Variants in IRGQ observed in about 807,000 individuals in gnomAD.
IRGQ encodes the protein immunity related GTPase Q.
In IRGQ, 5 loss-of-function variants were observed where a neutral mutation model predicts 10.5. The ratio of observed to expected loss-of-function variants is 0.48; its 90% CI spans 0.25 to 1.00. The LOEUF (loss-of-function observed/expected upper bound fraction) is 1.00. Ranked by LOEUF, IRGQ falls within the 50% of genes least tolerant of loss-of-function variation. The pLI is 0.16. For missense variants in IRGQ, 792 were observed against 877.7 expected (o/e 0.90, Z 1.23); for synonymous variants, 418 against 426.0 (o/e 0.98, Z 0.23).
intron 2 of IRGQ, 53 bp downstream of exon 2, chr19:43,594,756 C>G: frequency 6.6e-7 from 1 of 1,518,936 alleles, no homozygotes; most frequent in Non-Finnish European, 8.9e-7. Context: ...CATGGTCGCA[C>G]CTAGGTGCCT....
chr19:43,592,145 C>T lies in IRGQ; in HGVS notation c.1753G>A (p.Gly585Ser). 6.2e-7 allele frequency: 1 copy of T among 1,610,144 alleles called. No individual in the cohort carries two copies. Residue 585 changes from glycine to serine, a missense_variant, in exon 3 of 3, where the codon GGT (glycine) becomes AGT (serine). By Grantham distance (56) the Gly-to-Ser change is moderately conservative. Transcript: ENST00000422989. ...GALSFLWPAG[G>S]AAATGGLGYR... ...CCCAGGCCACCTGTCGCCGCTGCAC[C>T]ACCCGCAGGCCACAGGAAGGAGAGA...
At position 43,587,565 on chromosome 19, in the gene IRGQ, A is replaced by G. The variant is rs1275085887; in HGVS notation, c.*4461T>C. The G allele has an allele frequency of 6.6e-6, 1 of 152,192 alleles. No individual in the cohort carries two copies. The highest frequency in any genetic ancestry group is 1.5e-5 in the Non-Finnish European group (1 of 68,036). 9.4% of individuals were successfully genotyped at this position (152,192 alleles called of 1,614,324 possible). ...ATTTGGTGTAAGTGTAAAATATATA[A>G]CAGATTTTGAAGACAGCACAAAAGA... On this transcript the variant is annotated 3_prime_UTR_variant, in exon 3 of 3. Transcript: ENST00000422989.
rs1251009630 is a variant in IRGQ, at chr19:43,593,726, G to A, written c.531-359C>T. ...GGTGGGACAAAGCTCACAGAGGGTG[G>A]GGCCTAGAACAAAGAATCGCAACTG... On this transcript the variant is annotated intron_variant, in intron 2 of 2. Coordinates refer to ENST00000422989, the MANE Select transcript of IRGQ (RefSeq NM_001007561.3). This position sits in a 1 kb window ranked among gnomAD's most constrained non-coding sequence, Gnocchi z 6.4. 6.6e-6 allele frequency among the ~76,000 whole-genome samples: 1 copy of A among 152,144 alleles called. No individual in the cohort carries two copies. The highest frequency in any genetic ancestry group is 1.5e-5 in the Non-Finnish European group (1 of 68,028).
At position 43,586,425 on chromosome 19, in the gene IRGQ, T is replaced by C. The variant is rs1972994891; in HGVS notation, c.*5601A>G. ...TATACAACTGTGTAAACACAACCAA[T>C]CTACAACTATATCAACACAACCAGC... is the stretch of plus-strand genomic sequence containing the variant. On this transcript the variant is annotated 3_prime_UTR_variant, in exon 3 of 3. Coordinates refer to ENST00000422989, the MANE Select transcript of IRGQ (RefSeq NM_001007561.3). 1 of 152,092 alleles carries C rather than the reference T, an allele frequency of 6.6e-6. No individual in the cohort carries two copies. The highest frequency in any genetic ancestry group is 1.5e-5 in the Non-Finnish European group (1 of 68,022). 9.4% of individuals were successfully genotyped at this position (152,092 alleles called of 1,614,324 possible).
rs1260993522 is a variant in IRGQ, at chr19:43,587,222, C to T, written c.*4804G>A. ...GCATACACCTGTAGTCCCAGCTACT[C>T]AGGAGGATGATGCAAGAGAATCAGT... On this transcript the variant is annotated 3_prime_UTR_variant, in exon 3 of 3. Coordinates refer to ENST00000422989, the MANE Select transcript of IRGQ (RefSeq NM_001007561.3). The T allele has an allele frequency of 6.6e-6, 1 of 152,102 alleles. No individual in the cohort carries two copies. The highest frequency in any genetic ancestry group is 6.6e-5 in the Admixed American group (1 of 15,254). The allele number at this position is 152,102 out of a possible 1,614,324, so 9.4% of individuals were successfully genotyped here.
In IRGQ at chr19:43,592,132, G is replaced by A. The variant is rs1391351187; in HGVS notation, c.1766C>T (p.Thr589Ile). ...AGCCGCTCGGTAGCCCAGGCCACCT[G>A]TCGCCGCTGCACCACCCGCAGGCCA... ...FLWPAGGAAA[T>I]GGLGYRAAHG... The change falls in exon 3 of 3, where the codon ACA becomes ATA. Residue 589 changes from threonine to isoleucine, a missense_variant. Transcript: ENST00000422989. 33 of 1,611,172 alleles carry A rather than the reference G, an allele frequency of 2.0e-5. 1 individual carries two copies. In the Admixed American group the frequency reaches 5.5e-4, roughly 27 times the overall value.
At position 43,593,106 on chromosome 19, in the gene IRGQ, G is replaced by C. The variant is rs1237114541; in HGVS notation, c.792C>G (p.Phe264Leu). 1 of 1,581,922 alleles carries C rather than the reference G, an allele frequency of 6.3e-7. No homozygotes were observed. Among genetic ancestry groups the C allele is most frequent in the Non-Finnish European group, 8.6e-7 (1 of 1,159,702 alleles). ...CCACATTCGGGCGCTCTGGGGCTGG[G>C]AAGGGAGTGGGTGCTGTGGGGACCG... ...PASVPTAPTP[F>L]PAPERPNVVL... The change falls in exon 3 of 3, where the codon TTC becomes TTG. Residue 264 changes from phenylalanine to leucine, a missense_variant. Coordinates refer to ENST00000422989, the MANE Select transcript of IRGQ (RefSeq NM_001007561.3). The surrounding 1 kb of genome is among the most constrained non-coding windows in gnomAD (Gnocchi z 6.4).
rs934919219 is a variant in IRGQ, at chr19:43,596,052, C to T, written c.-73G>A. 2.0e-5 allele frequency: 3 copies of T among 152,186 alleles called. No homozygotes were observed. Among genetic ancestry groups the T allele is most frequent in the East Asian group, 1.9e-4 (1 of 5,182 alleles). 9.4% of individuals were successfully genotyped at this position (152,186 alleles called of 1,614,324 possible). On this transcript the variant is annotated 5_prime_UTR_variant, in exon 1 of 3. Coordinates refer to ENST00000422989, the MANE Select transcript of IRGQ (RefSeq NM_001007561.3). ...AGGTCAGCAGCTGAGAAGCCCGGCC[C>T]CTGGGCCGCGGCGGACGGAGGCCGA... is the stretch of plus-strand genomic sequence containing the variant.
chr19:43,592,309 C>G lies in IRGQ; in HGVS notation c.1589G>C (p.Arg530Pro). 6.4e-7 allele frequency: 1 copy of G among 1,565,150 alleles called. No homozygotes were observed. The highest frequency in any genetic ancestry group is 8.6e-7 in the Non-Finnish European group (1 of 1,164,272). ...LGLEPTALAR[R>P]ERALGLASGE... The stretch of plus-strand genomic sequence containing the variant: ...AGAAGCCAGGCCCAGGGCACGCTCA[C>G]GTCGAGCCAGTGCCGTGGGTTCCAG... Residue 530 changes from arginine to proline, a missense_variant, in exon 3 of 3, where the codon CGT (arginine) becomes CCT (proline). Physicochemically the swap from Arg to Pro is moderately radical, Grantham distance 103. Transcript: ENST00000422989.
Position 43,593,031 on chromosome 19 carries a change from G to A in IRGQ, c.867C>T (p.Ala289=), listed in dbSNP as rs747332385. The part of the protein sequence containing the change: ...LGHTGTATTA[A]AASHPTHYDA... Reference sequence around the variant, plus strand: ...CGTAGTGCGTTGGGTGAGAGGCGGCGGCCGCGGTGGTGGCAGTGCCCGTGT... The same window carrying A: ...CGTAGTGCGTTGGGTGAGAGGCGGCAGCCGCGGTGGTGGCAGTGCCCGTGT... The change falls in exon 3 of 3, where the codon GCC becomes GCT. Residue 289 remains alanine, a synonymous_variant. Coordinates refer to ENST00000422989, the MANE Select transcript of IRGQ (RefSeq NM_001007561.3). This position sits in a 1 kb window ranked among gnomAD's most constrained non-coding sequence, Gnocchi z 6.4. The A allele has an allele frequency of 4.0e-5, 64 of 1,605,628 alleles. No individual in the cohort carries two copies. Among genetic ancestry groups the A allele is most frequent in the Non-Finnish European group, 4.8e-5 (57 of 1,175,916 alleles).
rs989269261 is a variant in IRGQ, at chr19:43,593,744, C to T, written c.531-377G>A. Among the ~76,000 whole-genome samples, 1 of 152,110 alleles carries T rather than the reference C, an allele frequency of 6.6e-6. No homozygotes were observed. Among genetic ancestry groups the T allele is most frequent in the Non-Finnish European group, 1.5e-5 (1 of 68,038 alleles). On this transcript the variant is annotated intron_variant, in intron 2 of 2. Coordinates refer to ENST00000422989, the MANE Select transcript of IRGQ (RefSeq NM_001007561.3). The surrounding 1 kb of genome is among the most constrained non-coding windows in gnomAD (Gnocchi z 6.4). ...GAGGGTGGGGCCTAGAACAAAGAAT[C>T]GCAACTGTATTGTGGCCTAAACACA...
rs1430787052 is a variant in IRGQ, at chr19:43,588,814, A to G, written c.*3212T>C. On this transcript the variant is annotated 3_prime_UTR_variant, in exon 3 of 3. Transcript: ENST00000422989. The stretch of plus-strand genomic sequence containing the variant: ...CCTCCCATTCCATCACGTGGCTGAC[A>G]TGCCTGATTGCAGGGCTTAGACACT... 6.6e-6 allele frequency: 1 copy of G among 152,274 alleles called. No individual in the cohort carries two copies. The allele number at this position is 152,274 out of a possible 1,614,324, so 9.4% of individuals were successfully genotyped here. A position where few individuals can be genotyped will look rare whatever the true frequency, so the allele number is the denominator to read the frequency against.
Position 43,592,362 on chromosome 19 carries a change from C to G in IRGQ, c.1536G>C (p.Gln512His). The G allele has an allele frequency of 6.3e-7, 1 of 1,576,694 alleles. No individual in the cohort carries two copies. Among genetic ancestry groups the G allele is most frequent in the South Asian group, 1.1e-5 (1 of 88,272 alleles). The change falls in exon 3 of 3, where the codon CAG becomes CAC. Residue 512 changes from glutamine (Q) to histidine (H), a missense_variant. Gln to His is a conservative substitution (Grantham distance 24). Coordinates refer to ENST00000422989, the MANE Select transcript of IRGQ (RefSeq NM_001007561.3). ...CCAGGCCCCGTCGCCACTCCGCCAG[C>G]TGACCCCGCAGAAGTGCCACGTCGC... ...WACDVALLRG[Q>H]LAEWRRGLGL...
Position 43,592,888 on chromosome 19 carries a change from T to TCCTCGC in IRGQ, c.1004_1009dup (p.Gly335_Glu336dup). On this transcript the variant is annotated inframe_insertion, in exon 3 of 3. Coordinates refer to ENST00000422989, the MANE Select transcript of IRGQ (RefSeq NM_001007561.3). Reference sequence around the variant, plus strand: ...CTTGCCTTCTCCCAGACACTCCGGATCCTCGCCCTCGCCGTCTGTGCGCAC... The same window carrying TCCTCGC: ...CTTGCCTTCTCCCAGACACTCCGGATCCTCGCCCTCGCCCTCGCCGTCTGTGCGCAC... 6.2e-7 allele frequency: 1 copy of TCCTCGC among 1,613,474 alleles called. No individual in the cohort carries two copies. Among genetic ancestry groups the TCCTCGC allele is most frequent in the Non-Finnish European group, 8.5e-7 (1 of 1,180,010 alleles).
In IRGQ at chr19:43,588,377, G is replaced by A. The variant is rs1348025689; in HGVS notation, c.*3649C>T. On this transcript the variant is annotated 3_prime_UTR_variant, in exon 3 of 3. Coordinates refer to ENST00000422989, the MANE Select transcript of IRGQ (RefSeq NM_001007561.3). ...ATCGCACAACTGCACTCCAGCCTGG[G>A]TGACAGAGCAAGACTCCGTCTCCCA... 1 of 151,928 alleles carries A rather than the reference G, an allele frequency of 6.6e-6. No individual in the cohort carries two copies. The highest frequency in any genetic ancestry group is 1.5e-5 in the Non-Finnish European group (1 of 68,058). 9.4% of individuals were successfully genotyped at this position (151,928 alleles called of 1,614,324 possible).
At position 43,592,602 on chromosome 19, in the gene IRGQ, G is replaced by C. The variant is rs76873184; in HGVS notation, c.1296C>G (p.Phe432Leu). Residue 432 changes from phenylalanine to leucine, a missense_variant, in exon 3 of 3, where the codon TTC becomes TTG. Coordinates refer to ENST00000422989, the MANE Select transcript of IRGQ (RefSeq NM_001007561.3). ...EVLEEAPPPV[F>L]PLRPGGLPGL... ...CTGGGAGTCCGCCAGGCCGTAGGGG[G>C]AACACTGGCGGCGGCGCCTCCTCCA... 1.9e-6 allele frequency: 3 copies of C among 1,601,118 alleles called. No individual in the cohort carries two copies. In the South Asian group the frequency reaches 3.3e-5, roughly 18 times the overall value.
At position 43,595,146 on chromosome 19, in the gene IRGQ, G is replaced by A; in HGVS notation, c.193C>T (p.Pro65Ser). The A allele has an allele frequency of 6.2e-7, 1 of 1,602,576 alleles. No individual in the cohort carries two copies. The highest frequency in any genetic ancestry group is 8.5e-7 in the Non-Finnish European group (1 of 1,174,142). ...GLFLGELSCP[P>S]AAPGPWAAEA... ...GCCGCCCAGGGCCCCGGCGCTGCGG[G>A]TGGGCAGCTCAGCTCGCCCAGAAAA... The change falls in exon 2 of 3, where the codon CCC (proline) becomes TCC (serine). Residue 65 changes from proline to serine, a missense_variant. By Grantham distance (74) the Pro-to-Ser change is moderately conservative. Transcript: ENST00000422989.
rs376275493 is a variant in IRGQ at position 43,592,700 on chromosome 19, T to G, written c.1198A>C (p.Met400Leu). The change falls in exon 3 of 3, where the codon ATG becomes CTG. Residue 400 changes from methionine to leucine, a missense_variant. By Grantham distance (15) the Met-to-Leu change is conservative. Coordinates refer to ENST00000422989, the MANE Select transcript of IRGQ (RefSeq NM_001007561.3). ...GAGTCGCCACCACCTGATTTCTTCATGCCGACAACCTGCTGCAAACCCTCG... is the reference window on the plus strand; with the variant it reads ...GAGTCGCCACCACCTGATTTCTTCAGGCCGACAACCTGCTGCAAACCCTCG... The part of the protein sequence containing the change: ...GSEGLQQVVG[M>L]KKSGGGDSER... The G allele has an allele frequency of 5.6e-6, 9 of 1,608,974 alleles. No homozygotes were observed. The East Asian group carries it at 1.8e-4, about 32-fold the overall frequency.
At position 43,594,883 on chromosome 19, in the gene IRGQ, G is replaced by A. The variant is rs763054793; in HGVS notation, c.456C>T (p.Cys152=). The change falls in exon 2 of 3, where the codon TGC becomes TGT. Residue 152 remains cysteine (C), a synonymous_variant. Transcript: ENST00000422989. The stretch of plus-strand genomic sequence containing the variant: ...GCTCCTCGCAGCCGTCGCTGCTGCC[G>A]CAGTTCGCCGGTAGCACAAACAGAT... ...AADLFVLPAN[C]GSSDGCEELE... The A allele has an allele frequency of 2.5e-6, 4 of 1,613,816 alleles. No homozygotes were observed. The highest frequency in any genetic ancestry group is 1.1e-5 in the South Asian group (1 of 91,082).
Sources: allele counts gnomAD v4.1 joint callset (sites outside exome capture counted in the v4.1 genomes callset), GRCh38; gene constraint gnomAD v4.1.1; non-coding constraint Gnocchi (gnomAD v3.1); transcripts MANE v1.5; gene names NCBI Gene and HGNC (gene_info 2026-07-23, HGNC 2026-07-21).